The following EHMT1 variants were observed in gnomAD, a reference collection of about 807,000 sequenced individuals.
The protein encoded by EHMT1 is histone-lysine N-methyltransferase EHMT1.
In EHMT1, 15 loss-of-function variants were observed where a neutral mutation model predicts 147.2. The observed-to-expected ratio is 0.10, with a 90% CI of 0.07 to 0.16. EHMT1 has a LOEUF of 0.16. Among genes scored for constraint, EHMT1 ranks in the 10% least tolerant of loss-of-function variants. EHMT1 has a pLI of 1.00. For missense variants in EHMT1, 1,587 were observed against 1,772.4 expected (o/e 0.90, Z 1.88); for synonymous variants, 795 against 709.6 (o/e 1.12, Z -1.91).
intron 4 of EHMT1, among the ~76,000 whole-genome samples, chr9:137,730,047 G>T (rs933388527): frequency 1.2e-4 from 19 of 152,204 alleles, no homozygotes; most frequent in Non-Finnish European, 2.5e-4. Context: ...CTGAACCGTG[G>T]TGTTTTGAGT....
chr9:137,682,934 C>T (rs1942098812), intron 1 of EHMT1, among the ~76,000 whole-genome samples: 6 of 152,220 alleles, frequency 3.9e-5, no homozygotes, highest in Admixed American at 1.3e-4. Flanking sequence ...AGTGAGTGCC[C>T]ACACGCTGCA....
At chr9:137,797,363 CCCT>C (rs1953050158) in intron 16 of EHMT1, among the ~76,000 whole-genome samples, 1 of 152,138 alleles carries the variant, frequency 6.6e-6, no homozygotes. Context: ...CCCAGCCCTG[CCCT>C]CCTCCTGCCT....
At chr9:137,798,015 T>C (rs1953106536) in intron 16 of EHMT1, among the ~76,000 whole-genome samples, 1 of 152,162 alleles carries the variant, frequency 6.6e-6, no homozygotes, top group Admixed American at 6.5e-5. Flanking sequence ...TTGTTTTCCT[T>C]TGAGATGGTT....
chr9:137,637,112 T>C (rs1844138521), intron 1 of EHMT1, among the ~76,000 whole-genome samples: 1 of 151,968 alleles, frequency 6.6e-6, no homozygotes. Flanking sequence ...TTAGTCAGGA[T>C]GGTCTCGATC....
chr9:137,776,914 G>A lies in EHMT1; in HGVS notation c.2018+70G>A, dbSNP rs193047204. Reference sequence around the variant, plus strand: ...AAAAAGTTTCAGTTGTTAACTCAACGTTATTGCTTCCTGCTGTTTTTTCCA... The same window carrying A: ...AAAAAGTTTCAGTTGTTAACTCAACATTATTGCTTCCTGCTGTTTTTTCCA... On this transcript the variant is annotated intron_variant, in intron 12 of 26. Transcript: ENST00000460843. The surrounding 1 kb of genome is among the most constrained non-coding windows in gnomAD (Gnocchi z 4.4). 12 of 1,427,790 alleles carry A rather than the reference G, an allele frequency of 8.4e-6. No homozygotes were observed. Among genetic ancestry groups the A allele is most frequent in the Middle Eastern group, 2.1e-4 (1 of 4,860 alleles). 88.4% of individuals were successfully genotyped at this position (1,427,790 alleles called of 1,614,324 possible).
intron 1 of EHMT1, among the ~76,000 whole-genome samples, chr9:137,665,124 AAAT>A (rs2134137214): frequency 6.6e-6 from 1 of 152,334 alleles, no homozygotes; most frequent in East Asian, 1.9e-4. Flanking sequence ...TAAAAATAGA[AAAT>A]AATATTTGTG....
chr9:137,811,657 G>C (rs760295672), intron 19 of EHMT1, 42 bp downstream of exon 19: 1 of 1,598,608 alleles, frequency 6.3e-7, no homozygotes, highest in Non-Finnish European at 8.5e-7. Flanking sequence ...GCGCTGACCT[G>C]ACCTGGGCGC....
intron 18 of EHMT1, among the ~76,000 whole-genome samples, chr9:137,804,438 T>C (rs1195685682): frequency 6.6e-6 from 1 of 152,224 alleles, no homozygotes; most frequent in Non-Finnish European, 1.5e-5. Flanking sequence ...TAATGAAGTG[T>C]CTGTTCAAAT....
chr9:137,803,401 T>C, intron 18 of EHMT1: 2 of 672,318 alleles, frequency 3.0e-6, no homozygotes, highest in South Asian at 6.6e-5. Flanking sequence ...CTGCCACCCA[T>C]TGCTGGGCTT....
chr9:137,774,324 G>C (rs920436275), intron 10 of EHMT1, among the ~76,000 whole-genome samples: 2 of 152,232 alleles, frequency 1.3e-5, no homozygotes, highest in Admixed American at 6.5e-5. Flanking sequence ...CACTGGATCT[G>C]GTGGATGTGG....
At chr9:137,792,056 T>C in intron 16 of EHMT1, 1 of 466,066 alleles carries the variant, frequency 2.1e-6, no homozygotes, top group Non-Finnish European at 4.4e-6. Flanking sequence ...TTTTTACAGA[T>C]ACAGAAAACT....
At chr9:137,619,307 G>T (rs1366483623) in intron 1 of EHMT1, among the ~76,000 whole-genome samples, 1 of 149,522 alleles carries the variant, frequency 6.7e-6, no homozygotes, top group East Asian at 2.0e-4. Flanking sequence ...AGCGGGCGGG[G>T]GCGCAGGTGA....
chr9:137,808,508 TC>T (rs1954140075), intron 18 of EHMT1, among the ~76,000 whole-genome samples: 1 of 152,176 alleles, frequency 6.6e-6, no homozygotes, highest in African/African-American at 2.4e-5. Flanking sequence ...GTAAACCTGT[TC>T]TGGTCTGTAT....
chr9:137,804,960 C>A (rs778636995), intron 18 of EHMT1, among the ~76,000 whole-genome samples: 5 of 151,950 alleles, frequency 3.3e-5, no homozygotes, highest in African/African-American at 9.7e-5. Context: ...TGTATGAGTC[C>A]GTCCATGTGT....
chr9:137,671,241 A>G (rs901723750), intron 1 of EHMT1, among the ~76,000 whole-genome samples: 1 of 152,214 alleles, frequency 6.6e-6, no homozygotes, highest in Non-Finnish European at 1.5e-5. Flanking sequence ...AGAAGGAAAT[A>G]TACAAAAAGT....
intron 1 of EHMT1, among the ~76,000 whole-genome samples, chr9:137,632,471 G>T (rs915323716): frequency 2.0e-5 from 3 of 152,174 alleles, no homozygotes; most frequent in Non-Finnish European, 4.4e-5. Context: ...GTTTCACTGT[G>T]TTGCCCAGGT....
In EHMT1 at chr9:137,716,683, T is replaced by G. The variant is rs1168659163; in HGVS notation, c.143T>G (p.Met48Arg). The change falls in exon 3 of 27, where the codon ATG (methionine) becomes AGG (arginine). Residue 48 changes from methionine (M) to arginine (R), a missense_variant. Transcript: ENST00000460843. The stretch of plus-strand genomic sequence containing the variant: ...GAGAAACAGGCAGGAGAGGCCCACA[T>G]GGCTGCGGACGGTGAGACCAATGGG... ...SAEKQAGEAH[M>R]AADGETNGSC... is the part of the protein sequence containing the mutation. 6 of 1,604,704 alleles carry G rather than the reference T, an allele frequency of 3.7e-6. No homozygotes were observed. Among genetic ancestry groups the G allele is most frequent in the South Asian group, 1.1e-5 (1 of 90,890 alleles).
chr9:137,798,745 C>A, intron 16 of EHMT1, 68 bp from the exon 17 acceptor site: 2 of 1,308,274 alleles, frequency 1.5e-6, no homozygotes, highest in Non-Finnish European at 2.2e-6. Context: ...TCCTGGATCC[C>A]GCACTCAGGG....
chr9:137,726,087 C>T (rs928051991), intron 3 of EHMT1, among the ~76,000 whole-genome samples: 3 of 150,638 alleles, frequency 2.0e-5, no homozygotes, highest in African/African-American at 4.9e-5. Context: ...GGTGCCTTGT[C>T]GTGTGTGTGT....
Sources: gnomAD v4.1 joint callset for allele counts (sites outside exome capture counted in the v4.1 genomes callset) on GRCh38, gnomAD v4.1.1 for gene constraint, Gnocchi (gnomAD v3.1) non-coding constraint, MANE v1.5 for transcripts, NCBI Gene and HGNC (gene_info 2026-07-23, HGNC 2026-07-21) for gene names.